Variants in KCNK10 observed in about 807,000 individuals in gnomAD.
The protein encoded by KCNK10 is potassium two pore domain channel subfamily K member 10.
In KCNK10, 25 loss-of-function variants were observed where a neutral mutation model predicts 47.7. That is an observed-to-expected ratio of 0.52 (90% CI 0.38 to 0.73). The LOEUF is 0.73. KCNK10 is among the 30% of genes least tolerant of loss of function. The pLI is 0.00. For synonymous variants in KCNK10, 303 were observed against 285.6 expected, an observed-to-expected ratio of 1.06 and a Z score of -0.61; for missense variants, 563 against 714.5, an observed-to-expected ratio of 0.79 and a Z score of 2.42.
intron 2 of KCNK10, among the ~76,000 whole-genome samples, chr14:88,242,419 G>A (rs1318624349): frequency 6.6e-6 from 1 of 152,066 alleles, no homozygotes; most frequent in East Asian, 1.9e-4. Context: ...CAGCTCAGGG[G>A]TTGTACAAAA....
chr14:88,233,341 C>T (rs1886207254), intron 3 of KCNK10, among the ~76,000 whole-genome samples: 2 of 152,172 alleles, frequency 1.3e-5, no homozygotes, highest in Non-Finnish European at 2.9e-5. Flanking sequence ...GTGCCTTAGG[C>T]CTGTCTCTTT....
chr14:88,210,405 G>A (rs1031193342), intron 4 of KCNK10, among the ~76,000 whole-genome samples: 3 of 152,200 alleles, frequency 2.0e-5, no homozygotes, highest in South Asian at 2.1e-4. Context: ...AGTGTTATTC[G>A]ATAATTGTTT....
chr14:88,194,544 A>C (rs1290492), intron 4 of KCNK10, among the ~76,000 whole-genome samples: 1 of 152,214 alleles, frequency 6.6e-6, no homozygotes. Flanking sequence ...ATGTAATTGC[A>C]ATCTAAATGA....
chr14:88,260,245 G>A lies in KCNK10; in HGVS notation c.402+2957C>T, dbSNP rs986594007. On this transcript the variant is annotated intron_variant, in intron 2 of 6. Coordinates refer to ENST00000319231, the MANE Select transcript of KCNK10 (RefSeq NM_138317.3). This position sits in a 1 kb window ranked among gnomAD's most constrained non-coding sequence, Gnocchi z 4.5. ...GGTGTAAGCCACCGCGCCAGGCCAA[G>A]ATATGGTTGTTTAAAAGTGTGTAGC... Among the ~76,000 whole-genome samples the A allele has an allele frequency of 6.6e-6, 1 of 152,064 alleles. No homozygotes were observed. The highest frequency in any genetic ancestry group is 1.5e-5 in the Non-Finnish European group (1 of 67,998).
intron 1 of KCNK10, among the ~76,000 whole-genome samples, chr14:88,302,994 A>ACCAT (rs1888134344): frequency 2.0e-5 from 3 of 152,160 alleles, no homozygotes; most frequent in Non-Finnish European, 4.4e-5. Flanking sequence ...TAAGGATAAT[A>ACCAT]CCATCCCCCT....
intron 1 of KCNK10, among the ~76,000 whole-genome samples, chr14:88,319,274 C>T (rs1039005759): frequency 7.9e-5 from 12 of 152,152 alleles, no homozygotes; most frequent in Non-Finnish European, 1.6e-4. Context: ...TCATTTTTTG[C>T]TATTAAATTG....
chr14:88,304,732 T>C (rs1888172660), intron 1 of KCNK10, among the ~76,000 whole-genome samples: 2 of 152,362 alleles, frequency 1.3e-5, no homozygotes, highest in East Asian at 1.9e-4. Flanking sequence ...TGTTCCTAAG[T>C]GCAAGATGCG....
At chr14:88,269,182 G>T (rs1039263392) in intron 1 of KCNK10, among the ~76,000 whole-genome samples, 1 of 152,180 alleles carries the variant, frequency 6.6e-6, no homozygotes, top group Non-Finnish European at 1.5e-5. Flanking sequence ...CCTAAATGTG[G>T]GTGATATGGA....
At chr14:88,226,132 C>A (rs7144054) in intron 4 of KCNK10, among the ~76,000 whole-genome samples, 1 of 152,068 alleles carries the variant, frequency 6.6e-6, no homozygotes, top group Non-Finnish European at 1.5e-5. Context: ...TTCCACACAT[C>A]ATTTCATTTA....
At chr14:88,305,199 C>T (rs551550414) in intron 1 of KCNK10, among the ~76,000 whole-genome samples, 4 of 147,472 alleles carry the variant, frequency 2.7e-5, no homozygotes, top group East Asian at 4.0e-4. Context: ...ACCCTAAGCT[C>T]GAAAAAAAAA....
chr14:88,242,808 A>G (rs1886519481), intron 2 of KCNK10, among the ~76,000 whole-genome samples: 2 of 152,198 alleles, frequency 1.3e-5, no homozygotes, highest in African/African-American at 4.8e-5. Flanking sequence ...ACCAGTGTTT[A>G]TATCTTCATT....
chr14:88,266,869 G>C (rs1486562276), intron 1 of KCNK10, among the ~76,000 whole-genome samples: 2 of 152,192 alleles, frequency 1.3e-5, no homozygotes, highest in Non-Finnish European at 2.9e-5. Flanking sequence ...CCTGCATCAT[G>C]GATGCTTCCC....
chr14:88,192,230 C>T lies in KCNK10; in HGVS notation c.862G>A (p.Val288Met). The change falls in exon 5 of 7, where the codon GTG (valine) becomes ATG (methionine). Residue 288 changes from valine to methionine, a missense_variant. Transcript: ENST00000319231. Reference protein sequence around the residue: ...TLTTVGFGDFVAGGNAGINYR... With the variant: ...TLTTVGFGDFMAGGNAGINYR... The stretch of plus-strand genomic sequence containing the variant: ...GCCTGCCCAGGGTGCTTACCTGCCA[C>T]AAAATCACCAAAGCCCACCGTGGTC... The T allele has an allele frequency of 6.2e-7, 1 of 1,612,588 alleles. No homozygotes were observed. Among genetic ancestry groups the T allele is most frequent in the Non-Finnish European group, 8.5e-7 (1 of 1,179,256 alleles).
intron 2 of KCNK10, among the ~76,000 whole-genome samples, chr14:88,241,137 A>G (rs1253391674): frequency 6.6e-6 from 1 of 152,238 alleles, no homozygotes; most frequent in East Asian, 1.9e-4. Context: ...TACACACACA[A>G]AAAATGTCTA....
chr14:88,271,560 G>T (rs113611463), intron 1 of KCNK10, among the ~76,000 whole-genome samples: 184 of 152,246 alleles, frequency 1.2e-3, no homozygotes, highest in African/African-American at 4.3e-3. Flanking sequence ...GGCCTTTCTT[G>T]TTCCTTCATG....
chr14:88,312,218 A>G (rs1390559812), intron 1 of KCNK10, among the ~76,000 whole-genome samples: 1 of 152,238 alleles, frequency 6.6e-6, no homozygotes, highest in African/African-American at 2.4e-5. Context: ...TAAGCCAGGC[A>G]TGTAATGTTT....
chr14:88,216,803 C>T (rs971869860), intron 4 of KCNK10, among the ~76,000 whole-genome samples: 1 of 152,096 alleles, frequency 6.6e-6, no homozygotes, highest in Admixed American at 6.5e-5. Flanking sequence ...ACCTTCTTGC[C>T]GCCTAGGAAA....
intron 4 of KCNK10, among the ~76,000 whole-genome samples, chr14:88,202,059 C>A (rs777084830): frequency 1.3e-5 from 2 of 152,198 alleles, no homozygotes; most frequent in Non-Finnish European, 2.9e-5. Context: ...TATGCATGAA[C>A]AGTTTGAACA....
intron 1 of KCNK10, among the ~76,000 whole-genome samples, chr14:88,292,241 A>T (rs1305532823): frequency 6.6e-6 from 1 of 152,160 alleles, no homozygotes; most frequent in African/African-American, 2.4e-5. Flanking sequence ...ACAAGGAGGG[A>T]AAAGGAACAG....
Sources: allele counts gnomAD v4.1 joint callset (sites outside exome capture counted in the v4.1 genomes callset), GRCh38; gene constraint gnomAD v4.1.1; non-coding constraint Gnocchi (gnomAD v3.1); transcripts MANE v1.5; gene names NCBI Gene and HGNC (gene_info 2026-07-23, HGNC 2026-07-21).